The following PLIN2 variants were observed in gnomAD, a reference collection of about 807,000 sequenced individuals.
PLIN2 encodes the protein perilipin 2.
PLIN2 carries 33 observed loss-of-function variants against 30.6 expected under a neutral mutation model. The ratio of observed to expected loss-of-function variants is 1.08; its 90% CI spans 0.82 to 1.44. PLIN2 has a LOEUF of 1.44. Among genes scored for constraint, PLIN2 ranks in the 40% most tolerant of loss-of-function variants. The pLI is 0.00. For missense variants in PLIN2, 610 were observed against 531.8 expected (o/e 1.15, Z -1.45); for synonymous variants, 205 against 201.1 (o/e 1.02, Z -0.16).
downstream of PLIN2, among the ~76,000 whole-genome samples, chr9:19,112,774 G>C (rs1344147040): frequency 6.7e-6 from 1 of 150,338 alleles, no homozygotes; most frequent in Non-Finnish European, 1.5e-5. Flanking sequence ...TGAATGAAAT[G>C]CATGTAGACA....
chr9:19,120,624 C>A (rs565039691), intron 5 of PLIN2, among the ~76,000 whole-genome samples: 2 of 152,028 alleles, frequency 1.3e-5, no homozygotes, highest in Admixed American at 6.6e-5. Flanking sequence ...GCAGGTGGAT[C>A]GTTTGAGCCC....
At chr9:19,110,753 G>A (rs1309527754) in intron 2 of PLIN2, among the ~76,000 whole-genome samples, 2 of 152,206 alleles carry the variant, frequency 1.3e-5, no homozygotes, top group Admixed American at 1.3e-4. Flanking sequence ...TGGGATTACA[G>A]GCATGAGCTA....
chr9:19,124,220 C>T (rs1438725763), intron 3 of PLIN2, among the ~76,000 whole-genome samples: 2 of 152,114 alleles, frequency 1.3e-5, no homozygotes, highest in African/African-American at 4.8e-5. Flanking sequence ...TCCTTATCAA[C>T]TGGCCCCTAA....
At chr9:19,114,257 T>C (rs1818192387), downstream of PLIN2, among the ~76,000 whole-genome samples, 1 of 151,976 alleles carries the variant, frequency 6.6e-6, no homozygotes, top group Non-Finnish European at 1.5e-5. Context: ...AAGGAACATG[T>C]AAAGTTATGT....
At position 19,126,196 on chromosome 9, in the gene PLIN2, C is replaced by T. The variant is rs1818394838; in HGVS notation, c.144G>A (p.Glu48=). 1 of 1,614,160 alleles carries T rather than the reference C, an allele frequency of 6.2e-7. No individual in the cohort carries two copies. Among genetic ancestry groups the T allele is most frequent in the African/African-American group, 1.3e-5 (1 of 75,040 alleles). Reference sequence around the variant, plus strand: ...TGGTCTTCACACCGTTCTCTGCCATCTCACACACAGACTTCAGGTAGGGAT... The same window carrying T: ...TGGTCTTCACACCGTTCTCTGCCATTTCACACACAGACTTCAGGTAGGGAT... The part of the protein sequence containing the change: ...DQYPYLKSVC[E]MAENGVKTIT... The change falls in exon 3 of 8, where the codon GAG becomes GAA. Residue 48 remains glutamate (E), a synonymous_variant. Coordinates refer to ENST00000276914, the MANE Select transcript of PLIN2 (RefSeq NM_001122.4).
At chr9:19,126,487 A>ACT in intron 1 of PLIN2, 39 bp from the exon 2 acceptor site, 1 of 1,306,944 alleles carries the variant, frequency 7.7e-7, no homozygotes, top group East Asian at 2.3e-5. Context: ...CCGGGATAAG[A>ACT]CTCTCCCAAA....
chr9:19,112,622 C>T (rs757618930), downstream of PLIN2, among the ~76,000 whole-genome samples: 1 of 149,378 alleles, frequency 6.7e-6, no homozygotes, highest in Non-Finnish European at 1.5e-5. Flanking sequence ...GAGGGAGAAT[C>T]GATTGAGCCT....
At chr9:19,126,490 C>A in intron 1 of PLIN2, 42 bp from the exon 2 acceptor site, 1 of 1,288,152 alleles carries the variant, frequency 7.8e-7, no homozygotes, top group Admixed American at 1.8e-5. Context: ...GGATAAGACT[C>A]TCCCAAATTC....
Position 19,120,950 on chromosome 9 carries a change from G to A in PLIN2, c.525C>T (p.Gly175=), listed in dbSNP as rs747580104. ...GSRMMQLVSS[G]VENALTKSEL... ...CTGATTTGGTGAGTGCATTTTCTACGCCACTGCTCACGAGCTGCATCATCC... is the reference window on the plus strand; with the variant it reads ...CTGATTTGGTGAGTGCATTTTCTACACCACTGCTCACGAGCTGCATCATCC... Residue 175 remains glycine (G), a synonymous_variant, in exon 5 of 8, where the codon GGC becomes GGT. Coordinates refer to ENST00000276914, the MANE Select transcript of PLIN2 (RefSeq NM_001122.4). The A allele has an allele frequency of 8.6e-5, 139 of 1,613,846 alleles. 1 individual carries two copies. In the South Asian group the frequency reaches 1.0e-3, roughly 12 times the overall value.
intron 7 of PLIN2, 47 bp from the exon 8 acceptor site, chr9:19,116,696 ATAAAT>A (rs1214865242): frequency 1.3e-6 from 2 of 1,535,954 alleles, no homozygotes; most frequent in East Asian, 4.5e-5. Context: ...AGTGCTATGT[ATAAAT>A]TAGTTCGATG....
chr9:19,111,265 C>T (rs1433605169), downstream of PLIN2, among the ~76,000 whole-genome samples: 2 of 151,982 alleles, frequency 1.3e-5, no homozygotes, highest in Admixed American at 6.6e-5. Flanking sequence ...GCCAGGCTGC[C>T]GTTGAACTCC....
chr9:19,111,061 AT>A (rs1220889879), downstream of PLIN2, among the ~76,000 whole-genome samples: 380 of 144,512 alleles, frequency 2.6e-3, no homozygotes, highest in African/African-American at 4.3e-3. Flanking sequence ...AATCTTAACA[AT>A]TTTTTTTTTT....
intron 5 of PLIN2, among the ~76,000 whole-genome samples, chr9:19,120,430 G>A (rs1397247691): frequency 6.6e-6 from 1 of 152,110 alleles, no homozygotes; most frequent in Admixed American, 6.6e-5. Flanking sequence ...ATTTTATAAA[G>A]CAATCCATTA....
chr9:19,118,759 C>T (rs567220132), intron 6 of PLIN2, among the ~76,000 whole-genome samples: 2 of 152,194 alleles, frequency 1.3e-5, no homozygotes, highest in African/African-American at 2.4e-5. Flanking sequence ...GTCACCCAGG[C>T]TGAAGTACAG....
chr9:19,118,256 TTGAAA>T (rs1340415795), intron 7 of PLIN2, 60 bp downstream of exon 7: 2 of 1,460,136 alleles, frequency 1.4e-6, no homozygotes, highest in African/African-American at 2.8e-5. Context: ...TATGGAAAAA[TTGAAA>T]TGAAAAGTCT....
chr9:19,127,165 C>T lies in PLIN2; in HGVS notation c.-23+254G>A, dbSNP rs994645700. Among the ~76,000 whole-genome samples the T allele has an allele frequency of 6.6e-6, 1 of 152,228 alleles. No homozygotes were observed. The highest frequency in any genetic ancestry group is 1.5e-5 in the Non-Finnish European group (1 of 68,044). ...ATAGCAATCGCCCTAAATCTGTTGG[C>T]AGGAAAGAAGCCTCAACGCACAAAG... On this transcript the variant is annotated intron_variant, in intron 1 of 7. Transcript: ENST00000276914. This position sits in a 1 kb window ranked among gnomAD's most constrained non-coding sequence, Gnocchi z 4.3.
rs1818235679 is a variant in PLIN2, at chr9:19,116,793, T to C, written c.913-144A>G. ...CTCATTACAATGCCGAGTGCAGCAG[T>C]ATTATTCACATTTCATAGATATGAA... On this transcript the variant is annotated intron_variant, in intron 7 of 7. Transcript: ENST00000276914. 6 of 646,454 alleles carry C rather than the reference T, an allele frequency of 9.3e-6. No individual in the cohort carries two copies. The South Asian group carries it at 1.2e-4, about 13-fold the overall frequency. 40.0% of individuals were successfully genotyped at this position (646,454 alleles called of 1,614,324 possible). A position where few individuals can be genotyped will look rare whatever the true frequency, so the allele number is the denominator to read the frequency against.
rs775461052 is a variant in PLIN2, at chr9:19,120,877, T to C, written c.595+3A>G. The C allele has an allele frequency of 1.1e-5, 17 of 1,609,904 alleles. No individual in the cohort carries two copies. Among genetic ancestry groups the C allele is most frequent in the Non-Finnish European group, 1.4e-5 (17 of 1,176,182 alleles). The stretch of plus-strand genomic sequence containing the variant: ...CAGTATTTCAAGATAAAATTCCAGT[T>C]ACCTAGTTCTTCCTCAGTGAGAGGG... On this transcript the variant is annotated splice_donor_region_variant and intron_variant, in intron 5 of 7. Transcript: ENST00000276914.
At chr9:19,124,857 T>C (rs1293819392) in intron 3 of PLIN2, among the ~76,000 whole-genome samples, 1 of 152,210 alleles carries the variant, frequency 6.6e-6, no homozygotes, top group African/African-American at 2.4e-5. Context: ...TGAATAAATA[T>C]TGTCTGTCTA....
Sources: gnomAD v4.1 joint callset for allele counts (sites outside exome capture counted in the v4.1 genomes callset) on GRCh38, gnomAD v4.1.1 for gene constraint, Gnocchi (gnomAD v3.1) non-coding constraint, MANE v1.5 for transcripts, NCBI Gene and HGNC (gene_info 2026-07-23, HGNC 2026-07-21) for gene names.